The following ACTR3C variants were observed in gnomAD, a reference collection of about 807,000 sequenced individuals.
ACTR3C encodes actin related protein 3C, also known as actin-related protein 3C.
ACTR3C carries 18 observed loss-of-function variants against 26.3 expected under a neutral mutation model. The observed-to-expected ratio is 0.68, with a 90% CI of 0.47 to 1.01. ACTR3C has a LOEUF of 1.01. Ranked by LOEUF, ACTR3C falls within the 50% of genes least tolerant of loss-of-function variation. The probability of loss-of-function intolerance (pLI) is 0.00; values close to 1 mark genes in which losing one functional copy is unlikely to be tolerated. For synonymous variants in ACTR3C, 55 were observed against 94.5 expected (o/e 0.58, Z 2.42); for missense variants, 184 against 250.7 (o/e 0.73, Z 1.80).
chr7:150,305,319 T>C (rs1795727728), intron 1 of ACTR3C, among the ~76,000 whole-genome samples: 1 of 152,068 alleles, frequency 6.6e-6, no homozygotes, highest in African/African-American at 2.4e-5. Context: ...TTCCACCCAC[T>C]CCTACCATTC....
At chr7:149,999,642 G>T in the ACTR3C span, among the ~76,000 whole-genome samples, 1 of 151,586 alleles carries the variant, frequency 6.6e-6, no homozygotes, top group Non-Finnish European at 1.5e-5. Flanking sequence ...TACAGCAAAG[G>T]GAGTGACTCA....
chr7:150,292,149 CTGTG>C (rs1836317642), intron 3 of ACTR3C, among the ~76,000 whole-genome samples: 1 of 150,576 alleles, frequency 6.6e-6, no homozygotes, highest in Admixed American at 6.6e-5. Flanking sequence ...TTTAAAAGAG[CTGTG>C]TGTATGTAAA....
At position 150,309,036 on chromosome 7, in the gene ACTR3C, T is replaced by C. The variant is rs542226899; in HGVS notation, c.-51-13689A>G. Among the ~76,000 whole-genome samples the C allele has an allele frequency of 2.6e-5, 4 of 152,252 alleles. No homozygotes were observed. The South Asian group carries it at 8.3e-4, about 32-fold the overall frequency. ...GATGAGCGGGAAAGAGTTTATACCC[T>C]AGCCCATTCTCACACTGACACCTGC... On this transcript the variant is annotated intron_variant, in intron 1 of 7. Transcript: ENST00000683684.
the ACTR3C span, among the ~76,000 whole-genome samples, chr7:149,896,034 C>CAAAAAAAA: frequency 7.3e-4 from 61 of 83,042 alleles, no homozygotes; most frequent in Non-Finnish European, 1.2e-3. Flanking sequence ...CCTGTCTCTA[C>CAAAAAAAA]AAAAAAAAAA....
At chr7:150,020,199 G>A in the ACTR3C span, among the ~76,000 whole-genome samples, 1 of 152,058 alleles carries the variant, frequency 6.6e-6, no homozygotes, top group Non-Finnish European at 1.5e-5. Flanking sequence ...GAAACATAGA[G>A]GTCTTAATAA....
chr7:150,289,439 T>A lies in ACTR3C; in HGVS notation c.297+11A>T. 1.3e-6 allele frequency: 2 copies of A among 1,570,254 alleles called. No individual in the cohort carries two copies. The highest frequency in any genetic ancestry group is 2.5e-5 in the South Asian group (2 of 81,068). On this transcript the variant is annotated intron_variant, in intron 4 of 7. Transcript: ENST00000683684. ...CACCCCCAAACCAGCCGGTTTCCCA[T>A]CTGTTTTTACCTTAATGGCTTTTGC...
At chr7:150,033,201 C>T in the ACTR3C span, among the ~76,000 whole-genome samples, 6 of 152,110 alleles carry the variant, frequency 3.9e-5, no homozygotes, top group African/African-American at 7.2e-5. Flanking sequence ...TTGAACAACT[C>T]GGTGGGTTTT....
At chr7:150,097,525 C>T in the ACTR3C span, among the ~76,000 whole-genome samples, 6 of 151,668 alleles carry the variant, frequency 4.0e-5, no homozygotes, top group Admixed American at 3.3e-4. Context: ...GTAAAACCAG[C>T]ATCAACCTCA....
chr7:150,042,073 T>A, the ACTR3C span, among the ~76,000 whole-genome samples: 91 of 68,428 alleles, frequency 1.3e-3, no homozygotes, highest in African/African-American at 2.4e-3. Flanking sequence ...GGGATGAGGG[T>A]CTGGCTCTCA....
the ACTR3C span, among the ~76,000 whole-genome samples, chr7:150,033,484 G>A: frequency 2.6e-5 from 4 of 152,154 alleles, no homozygotes; most frequent in Non-Finnish European, 5.9e-5. Context: ...CTTTCTTCTA[G>A]GACACCTAAT....
chr7:150,149,977 G>A, the ACTR3C span, among the ~76,000 whole-genome samples: 4 of 152,296 alleles, frequency 2.6e-5, no homozygotes. Flanking sequence ...CAGAACTGAA[G>A]CTTGATAAAC....
At chr7:150,075,729 T>C in the ACTR3C span, among the ~76,000 whole-genome samples, 2 of 152,182 alleles carry the variant, frequency 1.3e-5, no homozygotes, top group African/African-American at 4.8e-5. Flanking sequence ...CATAAAGAGC[T>C]CCTGGTTGAC....
downstream of ACTR3C, among the ~76,000 whole-genome samples, chr7:150,239,612 T>C (rs1356669001): frequency 6.9e-6 from 1 of 145,622 alleles, no homozygotes; most frequent in East Asian, 2.0e-4. Context: ...AAATGAGTTA[T>C]TACAGTTTGA....
At chr7:150,032,662 C>T in the ACTR3C span, among the ~76,000 whole-genome samples, 1 of 150,670 alleles carries the variant, frequency 6.6e-6, no homozygotes, top group Non-Finnish European at 1.5e-5. Context: ...GGGAGACAGA[C>T]AGAAAGAGTT....
chr7:149,930,915 G>C, the ACTR3C span, among the ~76,000 whole-genome samples: 1 of 152,190 alleles, frequency 6.6e-6, no homozygotes, highest in Non-Finnish European at 1.5e-5. Flanking sequence ...GCTCAGGCTA[G>C]AGTGTAGTGA....
chr7:150,146,497 A>G, the ACTR3C span, among the ~76,000 whole-genome samples: 1 of 152,194 alleles, frequency 6.6e-6, no homozygotes, highest in Non-Finnish European at 1.5e-5. Flanking sequence ...AATTTAAAAC[A>G]CTGTTTTTTA....
At chr7:149,958,718 TGAACGTCTGA>T in the ACTR3C span, among the ~76,000 whole-genome samples, 2 of 152,244 alleles carry the variant, frequency 1.3e-5, no homozygotes, top group Non-Finnish European at 2.9e-5. Flanking sequence ...AAGCTTTTAA[TGAACGTCTGA>T]GAGAGTAAAT....
the ACTR3C span, among the ~76,000 whole-genome samples, chr7:150,091,858 G>GGCGCCTGTAGTCCCAGCTAC: frequency 1.3e-5 from 2 of 150,362 alleles, no homozygotes; most frequent in African/African-American, 4.9e-5. Flanking sequence ...CGTGGTGGCG[G>GGCGCCTGTAGTCCCAGCTAC]GCGCCTGTAG....
At chr7:150,316,403 C>T (rs1353455069) in intron 1 of ACTR3C, among the ~76,000 whole-genome samples, 2 of 152,054 alleles carry the variant, frequency 1.3e-5, no homozygotes, top group African/African-American at 4.8e-5. Flanking sequence ...TTCCTACCAA[C>T]CCCCAGCCAC....
Sources: allele counts gnomAD v4.1 joint callset (sites outside exome capture counted in the v4.1 genomes callset), GRCh38; gene constraint gnomAD v4.1.1; transcripts MANE v1.5; gene names NCBI Gene and HGNC (gene_info 2026-07-23, HGNC 2026-07-21).